The following OCA2 variants were observed in gnomAD, a reference collection of about 807,000 sequenced individuals.
OCA2 encodes P protein.
In OCA2, 77 loss-of-function variants were observed where a neutral mutation model predicts 100.2. The observed-to-expected ratio is 0.77, with a 90% CI of 0.64 to 0.93. The LOEUF (loss-of-function observed/expected upper bound fraction) is 0.93. Among genes scored for constraint, OCA2 ranks in the 40% least tolerant of loss-of-function variants. The pLI is 0.00. For missense variants in OCA2, 1,062 were observed against 1,089.1 expected (o/e 0.98, Z 0.35); for synonymous variants, 432 against 439.2 (o/e 0.98, Z 0.21).
At chr15:27,937,034 C>CG (rs2039479516) in intron 18 of OCA2, among the ~76,000 whole-genome samples, 1 of 152,146 alleles carries the variant, frequency 6.6e-6, no homozygotes, top group African/African-American at 2.4e-5. Context: ...CTTCACCGTC[C>CG]CCCCACATTC....
chr15:27,727,985 G>A, the OCA2 span, among the ~76,000 whole-genome samples: 1 of 152,232 alleles, frequency 6.6e-6, no homozygotes, highest in Non-Finnish European at 1.5e-5. Flanking sequence ...CCAGCCTGCA[G>A]TCTGGCTTCC....
chr15:28,096,077 G>C (rs1009087082), intron 1 of OCA2, among the ~76,000 whole-genome samples: 2 of 151,786 alleles, frequency 1.3e-5, no homozygotes, highest in Non-Finnish European at 2.9e-5. Flanking sequence ...CGGGGGCCTG[G>C]CTGCGTCTGC....
At chr15:28,074,383 C>CA (rs1379972335) in intron 2 of OCA2, among the ~76,000 whole-genome samples, 1 of 149,786 alleles carries the variant, frequency 6.7e-6, no homozygotes, top group African/African-American at 2.5e-5. Context: ...ACTAAAAATA[C>CA]AAAAAAAATG....
At chr15:27,947,884 T>C (rs1313774650) in intron 18 of OCA2, among the ~76,000 whole-genome samples, 1 of 152,084 alleles carries the variant, frequency 6.6e-6, no homozygotes, top group Non-Finnish European at 1.5e-5. Context: ...CTTCTCTGGG[T>C]TGAAGCTCCC....
intron 21 of OCA2, among the ~76,000 whole-genome samples, chr15:27,861,259 G>A (rs1012492669): frequency 6.6e-5 from 10 of 152,128 alleles, no homozygotes; most frequent in East Asian, 3.9e-4. Flanking sequence ...ACGGAGTCAC[G>A]ATTTATGAGG....
rs76887846 is a variant in OCA2, at chr15:27,819,490, G to A, written c.2432+25469C>T. 3.5e-3 allele frequency among the ~76,000 whole-genome samples: 531 copies of A among 152,300 alleles called. 2 individuals carry two copies. The highest frequency in any genetic ancestry group is 0.012 in the African/African-American group (507 of 41,550). On this transcript the variant is annotated intron_variant, in intron 23 of 23. Transcript: ENST00000354638. ...TGTGGACGCTGAAGGCATTTCCCAC[G>A]AGAATGCCAATTAAGAATTCTGAAA...
intron 22 of OCA2, among the ~76,000 whole-genome samples, 155 bp downstream of exon 22, chr15:27,851,227 A>G (rs1400765656): frequency 6.6e-6 from 1 of 152,212 alleles, no homozygotes; most frequent in African/African-American, 2.4e-5. Flanking sequence ...GTTGCTCTGG[A>G]ATTGCTCTGT....
chr15:27,760,744 T>A (rs1311989307), intron 23 of OCA2, among the ~76,000 whole-genome samples: 1 of 152,024 alleles, frequency 6.6e-6, no homozygotes, highest in African/African-American at 2.4e-5. Flanking sequence ...ATAATTTAAA[T>A]CACCCTATAT....
intron 23 of OCA2, among the ~76,000 whole-genome samples, chr15:27,782,732 T>C (rs2032607315): frequency 1.3e-5 from 2 of 152,224 alleles, no homozygotes; most frequent in South Asian, 4.1e-4. Context: ...CTTCCTAACC[T>C]GATTCTTTGG....
chr15:28,071,310 G>T (rs565426998), intron 2 of OCA2, among the ~76,000 whole-genome samples: 1 of 152,234 alleles, frequency 6.6e-6, no homozygotes, highest in South Asian at 2.1e-4. Context: ...TCATGGACTG[G>T]AATAATCAAT....
At chr15:28,009,684 TCACACACACACACACACACACACA>T (rs747425942) in intron 9 of OCA2, among the ~76,000 whole-genome samples, 1 of 138,008 alleles carries the variant, frequency 7.2e-6, no homozygotes, top group Non-Finnish European at 1.6e-5. Context: ...CGAGATTCTG[TCACACACACACACACACACACACA>T]CACACACACA....
rs2035751311 is a variant in OCA2, at chr15:27,851,453, C to A, written c.2267G>T (p.Ser756Ile). The A allele has an allele frequency of 6.2e-7, 1 of 1,613,646 alleles. No individual in the cohort carries two copies. Among genetic ancestry groups the A allele is most frequent in the Non-Finnish European group, 8.5e-7 (1 of 1,179,946 alleles). The change falls in exon 22 of 24, where the codon AGC (serine) becomes ATC (isoleucine). Residue 756 changes from serine (S) to isoleucine (I), a missense_variant. Ser to Ile is a moderately radical substitution (Grantham distance 142). Coordinates refer to ENST00000354638, the MANE Select transcript of OCA2 (RefSeq NM_000275.3). ...GGGCAGGCCAACCTCAGGGTCGTGG[C>A]TCAGGTTCAGGAGCACGGGAATCTG... ...ATMIPVLLNL[S>I]HDPEVGLPAP...
intron 14 of OCA2, among the ~76,000 whole-genome samples, chr15:27,976,758 T>C (rs1399803420): frequency 6.6e-6 from 1 of 152,204 alleles, no homozygotes; most frequent in Non-Finnish European, 1.5e-5. Context: ...ATAGAATTAA[T>C]TGGGAAATAT....
chr15:27,862,499 G>A (rs1395701006), intron 21 of OCA2, among the ~76,000 whole-genome samples: 5 of 148,924 alleles, frequency 3.4e-5, no homozygotes, highest in African/African-American at 1.2e-4. Flanking sequence ...TTTTGAGATG[G>A]AGTTTCACTC....
intron 23 of OCA2, among the ~76,000 whole-genome samples, chr15:27,758,237 C>A (rs968079572): frequency 1.1e-4 from 17 of 151,992 alleles, no homozygotes; most frequent in African/African-American, 4.1e-4. Flanking sequence ...AGAAAGAAAA[C>A]AAAAAGCCCC....
intron 21 of OCA2, among the ~76,000 whole-genome samples, chr15:27,852,619 A>G (rs568432502): frequency 1.3e-5 from 2 of 152,142 alleles, no homozygotes; most frequent in Admixed American, 1.3e-4. Context: ...AGAAACTACC[A>G]TCAGAGTGAA....
intron 2 of OCA2, among the ~76,000 whole-genome samples, chr15:28,066,034 A>G (rs2044013169): frequency 6.6e-6 from 1 of 152,186 alleles, no homozygotes; most frequent in Non-Finnish European, 1.5e-5. Context: ...TACAAACAAA[A>G]AAGTTGCTAT....
intron 19 of OCA2, among the ~76,000 whole-genome samples, chr15:27,897,991 C>T (rs1475961901): frequency 1.3e-5 from 2 of 152,122 alleles, no homozygotes; most frequent in East Asian, 3.9e-4. Context: ...TTGCATGGGG[C>T]CTGTAGCCCC....
At chr15:27,935,467 A>G (rs527817225) in intron 18 of OCA2, among the ~76,000 whole-genome samples, 1 of 152,330 alleles carries the variant, frequency 6.6e-6, no homozygotes, top group African/African-American at 2.4e-5. Context: ...TTCAAAGGAA[A>G]GTAGGAAAGG....
Sources: gnomAD v4.1 joint callset for allele counts (sites outside exome capture counted in the v4.1 genomes callset) on GRCh38, gnomAD v4.1.1 for gene constraint, MANE v1.5 for transcripts, NCBI Gene and HGNC (gene_info 2026-07-23, HGNC 2026-07-21) for gene names.